The following ZNF469 variants were observed in gnomAD, a reference collection of about 807,000 sequenced individuals.
ZNF469 encodes the protein zinc finger protein 469.
Under a neutral mutation model 1.0 loss-of-function variants are expected in ZNF469, and 1 was observed. That is an observed-to-expected ratio of 1.00 (90% CI 0.35 to 4.73). The LOEUF is 4.73. ZNF469 is among the 30% of genes most tolerant of loss of function. The probability of loss-of-function intolerance (pLI) is 0.16; values close to 1 mark genes in which losing one functional copy is unlikely to be tolerated. For missense variants in ZNF469, 6,100 were observed against 5,356.3 expected (o/e 1.14, Z -4.33); for synonymous variants, 2,703 against 2,363.4 (o/e 1.14, Z -4.17).
At chr16:88,297,442 C>G in the ZNF469 span, among the ~76,000 whole-genome samples, 8 of 152,218 alleles carry the variant, frequency 5.3e-5, no homozygotes, top group Non-Finnish European at 1.0e-4. Context: ...ATAGGCTTAC[C>G]TGCAAAGCAC....
the ZNF469 span, among the ~76,000 whole-genome samples, chr16:88,361,037 C>T: frequency 6.6e-6 from 1 of 152,192 alleles, no homozygotes; most frequent in African/African-American, 2.4e-5. Flanking sequence ...AATGTAGAAT[C>T]AGTAGGAACC....
chr16:88,426,893 T>C (rs1227431892), intron 2 of ZNF469, among the ~76,000 whole-genome samples: 2 of 152,090 alleles, frequency 1.3e-5, no homozygotes, highest in Non-Finnish European at 2.9e-5. Context: ...GCCCTCCCCA[T>C]GGCAGGTGTA....
chr16:88,168,928 C>G, the ZNF469 span, among the ~76,000 whole-genome samples: 1 of 152,100 alleles, frequency 6.6e-6, no homozygotes, highest in Non-Finnish European at 1.5e-5. This position sits in a 1 kb window ranked among gnomAD's most constrained non-coding sequence, Gnocchi z 4.3. Flanking sequence ...AGACCCCCCC[C>G]TCTACAAAAA....
chr16:88,194,428 C>G, the ZNF469 span: 1 of 152,306 alleles, frequency 6.6e-6, no homozygotes, highest in African/African-American at 2.4e-5. Context: ...GGCAGTGGGA[C>G]CAGGGAAGAA....
chr16:88,231,268 G>A, the ZNF469 span, among the ~76,000 whole-genome samples: 5 of 152,194 alleles, frequency 3.3e-5, no homozygotes, highest in Non-Finnish European at 1.5e-5. The surrounding 1 kb of genome is among the most constrained non-coding windows in gnomAD (Gnocchi z 4.5). Flanking sequence ...GCACCTGGAG[G>A]AGGGCTTCAC....
chr16:88,432,762 C>T lies in ZNF469; in HGVS notation c.5292C>T (p.Ser1764=), dbSNP rs781292856. ...CCAGCTCACAAGAAAGTGAAGACTC[C>T]CTGCGGCTGCTTCCCTGTGAACAGA... The part of the protein sequence containing the change: ...EAASSQESED[S]LRLLPCEQRG... Residue 1764 remains serine (S), a synonymous_variant, in exon 3 of 3, where the codon TCC becomes TCT. Coordinates refer to ENST00000565624, the MANE Select transcript of ZNF469 (RefSeq NM_001367624.2). The T allele has an allele frequency of 1.5e-5, 23 of 1,550,286 alleles. No individual in the cohort carries two copies. The highest frequency in any genetic ancestry group is 1.8e-5 in the Non-Finnish European group (21 of 1,147,002).
Position 88,430,861 on chromosome 16 carries a change from A to T in ZNF469, c.3391A>T (p.Arg1131Ter). The T allele has an allele frequency of 6.5e-7, 1 of 1,536,878 alleles. No homozygotes were observed. The highest frequency in any genetic ancestry group is 8.7e-7 in the Non-Finnish European group (1 of 1,146,164). Residue 1131 changes from arginine (R) to a stop codon, truncating the protein, a stop_gained, in exon 3 of 3, where the codon AGA becomes TGA. Transcript: ENST00000565624. LOFTEE classifies it low-confidence loss of function (END_TRUNC). ...RKEVELTQGP[R>*]EDEPQKPRKA... ...GGAAGTGGAGCTGACCCAGGGTCCC[A>T]GAGAGGATGAGCCACAGAAACCCCG...
chr16:88,183,036 A>G, the ZNF469 span, among the ~76,000 whole-genome samples: 6 of 152,250 alleles, frequency 3.9e-5, no homozygotes, highest in African/African-American at 1.4e-4. Flanking sequence ...TTATAACTCA[A>G]TACTAAGAAG....
chr16:88,355,184 G>A, the ZNF469 span, among the ~76,000 whole-genome samples: 5 of 152,174 alleles, frequency 3.3e-5, no homozygotes, highest in African/African-American at 4.8e-5. Context: ...TCTACAACGA[G>A]ACTATCACGC....
upstream of ZNF469, among the ~76,000 whole-genome samples, chr16:88,380,789 CAT>C (rs2142256441): frequency 1.1e-5 from 1 of 89,376 alleles, no homozygotes; most frequent in Non-Finnish European, 1.8e-5. Context: ...CACTCACACA[CAT>C]GCACTCACAC....
At chr16:88,203,740 G>GTGTGTA in the ZNF469 span, among the ~76,000 whole-genome samples, 1 of 152,028 alleles carries the variant, frequency 6.6e-6, no homozygotes, top group Admixed American at 6.5e-5. Flanking sequence ...GTGTGTGTGT[G>GTGTGTA]TGTGTGTGTA....
chr16:88,145,150 T>C, the ZNF469 span, among the ~76,000 whole-genome samples: 1 of 149,348 alleles, frequency 6.7e-6, no homozygotes, highest in African/African-American at 2.5e-5. Context: ...TTGTTGCCTA[T>C]TTAACGATTA....
the ZNF469 span, among the ~76,000 whole-genome samples, chr16:88,112,473 A>G: frequency 6.6e-6 from 1 of 152,134 alleles, no homozygotes; most frequent in Non-Finnish European, 1.5e-5. Flanking sequence ...GATAAAGGCC[A>G]TTTTAACCGG....
chr16:88,241,640 TC>T, the ZNF469 span, among the ~76,000 whole-genome samples: 1 of 152,046 alleles, frequency 6.6e-6, no homozygotes, highest in African/African-American at 2.4e-5. The surrounding 1 kb of genome is among the most constrained non-coding windows in gnomAD (Gnocchi z 4.8). Context: ...TGACATCCGG[TC>T]CCCACCCATC....
At chr16:88,252,760 T>G in the ZNF469 span, among the ~76,000 whole-genome samples, 1 of 152,158 alleles carries the variant, frequency 6.6e-6, no homozygotes, top group East Asian at 1.9e-4. Context: ...AGTGTGTGAT[T>G]TGATGAGTTT....
the ZNF469 span, among the ~76,000 whole-genome samples, chr16:88,121,636 C>G: frequency 6.6e-6 from 1 of 152,166 alleles, no homozygotes. Flanking sequence ...TTAAGCTTAT[C>G]TATAATTTAT....
In ZNF469 at chr16:88,437,409, C is replaced by T. The variant is rs1302032679; in HGVS notation, c.9939C>T (p.Pro3313=). The T allele has an allele frequency of 2.6e-6, 4 of 1,526,862 alleles. No individual in the cohort carries two copies. Among genetic ancestry groups the T allele is most frequent in the Non-Finnish European group, 3.5e-6 (4 of 1,135,016 alleles). 94.6% of individuals were successfully genotyped at this position (1,526,862 alleles called of 1,614,324 possible). The change falls in exon 3 of 3, where the codon CCC becomes CCT. Residue 3313 remains proline (P), a synonymous_variant. Coordinates refer to ENST00000565624, the MANE Select transcript of ZNF469 (RefSeq NM_001367624.2). ...GPPRTTPSPS[P]DPWAGGEPLL... Reference sequence around the variant, plus strand: ...CCAGGACGACCCCCAGCCCGTCCCCCGACCCCTGGGCCGGCGGGGAGCCCC... The same window carrying T: ...CCAGGACGACCCCCAGCCCGTCCCCTGACCCCTGGGCCGGCGGGGAGCCCC...
At chr16:88,365,026 G>A in the ZNF469 span, among the ~76,000 whole-genome samples, 5 of 152,222 alleles carry the variant, frequency 3.3e-5, no homozygotes, top group African/African-American at 1.2e-4. Flanking sequence ...GTTTATTCCT[G>A]GATATTTGAT....
the ZNF469 span, among the ~76,000 whole-genome samples, chr16:88,331,430 A>G: frequency 6.6e-6 from 1 of 151,120 alleles, no homozygotes; most frequent in African/African-American, 2.4e-5. Flanking sequence ...CACCAACACC[A>G]CCATCATAAC....
Sources: gnomAD v4.1 joint callset for allele counts (sites outside exome capture counted in the v4.1 genomes callset) on GRCh38, gnomAD v4.1.1 for gene constraint, Gnocchi (gnomAD v3.1) non-coding constraint, MANE v1.5 for transcripts, NCBI Gene and HGNC (gene_info 2026-07-23, HGNC 2026-07-21) for gene names.